SSBP2: variants seen among roughly 807,000 people sequenced by gnomAD.
SSBP2 encodes the protein single stranded DNA binding protein 2, also known as single-stranded DNA-binding protein 2.
Under a neutral mutation model 61.8 loss-of-function variants are expected in SSBP2, and 17 were observed. The observed-to-expected ratio is 0.28, with a 90% CI of 0.19 to 0.41. The LOEUF (loss-of-function observed/expected upper bound fraction) is 0.41. SSBP2 is among the 10% of genes least tolerant of loss of function. The pLI is 1.00. For synonymous variants in SSBP2, 139 were observed against 141.3 expected (o/e 0.98, Z 0.12); for missense variants, 310 against 458.7 (o/e 0.68, Z 2.96).
intron 5 of SSBP2, among the ~76,000 whole-genome samples, chr5:81,512,439 G>T (rs1184531297): frequency 6.6e-6 from 1 of 152,164 alleles, no homozygotes; most frequent in Non-Finnish European, 1.5e-5. Flanking sequence ...GTTGTTAAGT[G>T]TAAGCTTTTA....
At chr5:81,622,188 G>T (rs1256676934) in intron 3 of SSBP2, among the ~76,000 whole-genome samples, 1 of 150,882 alleles carries the variant, frequency 6.6e-6, no homozygotes, top group Non-Finnish European at 1.5e-5. Context: ...ACAGTGGGAA[G>T]TGAAGCAGAC....
At chr5:81,748,200 A>G (rs1012509581) in intron 1 of SSBP2, among the ~76,000 whole-genome samples, 1 of 152,186 alleles carries the variant, frequency 6.6e-6, no homozygotes, top group African/African-American at 2.4e-5. Context: ...GCTATTATTT[A>G]TAATAATGAC....
chr5:81,434,465 C>CT (rs1762540459), intron 15 of SSBP2, among the ~76,000 whole-genome samples: 1 of 151,550 alleles, frequency 6.6e-6, no homozygotes, highest in Non-Finnish European at 1.5e-5. Flanking sequence ...CCAGACCAGC[C>CT]TGACAACATG....
At chr5:81,474,655 T>C in intron 6 of SSBP2, 93 bp from the exon 7 acceptor site, 1 of 862,706 alleles carries the variant, frequency 1.2e-6, no homozygotes, top group Non-Finnish European at 1.7e-6. Flanking sequence ...TGTATGATAA[T>C]TACAAGAATG....
intron 1 of SSBP2, among the ~76,000 whole-genome samples, chr5:81,734,826 C>G (rs1420367169): frequency 6.6e-6 from 1 of 151,918 alleles, no homozygotes; most frequent in African/African-American, 2.4e-5. Flanking sequence ...AAAAAACTAG[C>G]CGGGCGTGGA....
intron 4 of SSBP2, among the ~76,000 whole-genome samples, chr5:81,589,938 G>C (rs1775369062): frequency 6.6e-6 from 1 of 152,082 alleles, no homozygotes; most frequent in Non-Finnish European, 1.5e-5. Flanking sequence ...CCATTCATGA[G>C]GGTGGAGCTC....
intron 6 of SSBP2, among the ~76,000 whole-genome samples, chr5:81,487,973 G>A (rs1766507028): frequency 7.6e-6 from 1 of 130,898 alleles, no homozygotes; most frequent in African/African-American, 2.7e-5. Context: ...CCATGTTGTT[G>A]CAAATGGCAG....
At chr5:81,698,137 C>T (rs887161975) in intron 1 of SSBP2, among the ~76,000 whole-genome samples, 1 of 151,990 alleles carries the variant, frequency 6.6e-6, no homozygotes, top group Non-Finnish European at 1.5e-5. Context: ...AAAGAAAATA[C>T]ACTGAAAGTA....
chr5:81,572,868 C>G (rs949441784), intron 4 of SSBP2, among the ~76,000 whole-genome samples: 1 of 152,116 alleles, frequency 6.6e-6, no homozygotes, highest in Non-Finnish European at 1.5e-5. Context: ...TGTTGAACAT[C>G]ATGTGAACTA....
intron 16 of SSBP2, among the ~76,000 whole-genome samples, chr5:81,428,085 A>G (rs559774746): frequency 1.1e-4 from 16 of 152,114 alleles, no homozygotes; most frequent in Non-Finnish European, 2.1e-4. Flanking sequence ...GTCTACTTCT[A>G]TGGAGATATG....
At chr5:81,491,317 A>G (rs768521802) in intron 5 of SSBP2, among the ~76,000 whole-genome samples, 8 of 152,256 alleles carry the variant, frequency 5.3e-5, no homozygotes, top group Non-Finnish European at 1.0e-4. Flanking sequence ...AATACAAGGT[A>G]AAATTATGTG....
At chr5:81,670,783 C>T (rs1322632708) in intron 1 of SSBP2, among the ~76,000 whole-genome samples, 2 of 152,132 alleles carry the variant, frequency 1.3e-5, no homozygotes, top group Non-Finnish European at 2.9e-5. Context: ...CTTTCCTTTC[C>T]CATCCACTTT....
chr5:81,557,825 C>T (rs1341103930), intron 4 of SSBP2, among the ~76,000 whole-genome samples: 2 of 151,894 alleles, frequency 1.3e-5, no homozygotes, highest in South Asian at 2.1e-4. Context: ...GGTTTTGATT[C>T]GTTTTTCTCC....
rs188011618 is a variant in SSBP2 at position 81,422,035 on chromosome 5, T to A, written c.1057-1502A>T. Among the ~76,000 whole-genome samples, 4 of 152,222 alleles carry A rather than the reference T, an allele frequency of 2.6e-5. No homozygotes were observed. In the East Asian group the frequency reaches 7.7e-4, roughly 29 times the overall value. ...TAAAATGTAAATGTGGACCCTGAAATTTTTTAAACGTTTTATTGGAAACCT... is the reference window on the plus strand; with the variant it reads ...TAAAATGTAAATGTGGACCCTGAAAATTTTTAAACGTTTTATTGGAAACCT... On this transcript the variant is annotated intron_variant, in intron 16 of 16. Coordinates refer to ENST00000320672, the MANE Select transcript of SSBP2 (RefSeq NM_012446.5).
intron 5 of SSBP2, among the ~76,000 whole-genome samples, chr5:81,499,370 AT>A: frequency 6.6e-6 from 1 of 152,310 alleles, no homozygotes; most frequent in East Asian, 1.9e-4. Flanking sequence ...CGCTGATATT[AT>A]GAGCTTTTTC....
intron 10 of SSBP2, 88 bp from the exon 11 acceptor site, chr5:81,448,913 C>T (rs1456502055): frequency 8.9e-6 from 10 of 1,124,436 alleles, no homozygotes; most frequent in Non-Finnish European, 1.3e-5. Context: ...GATTTTTTGT[C>T]AAGTTTTAAA....
chr5:81,477,678 T>C (rs1489467592), intron 6 of SSBP2, among the ~76,000 whole-genome samples: 3 of 151,982 alleles, frequency 2.0e-5, no homozygotes, highest in Admixed American at 6.6e-5. Flanking sequence ...CATGTGTTTT[T>C]ATAGGATCAT....
chr5:81,569,397 G>C (rs761563754), intron 4 of SSBP2, among the ~76,000 whole-genome samples: 17 of 152,094 alleles, frequency 1.1e-4, no homozygotes, highest in South Asian at 2.1e-4. Context: ...TGGGGAGTGG[G>C]GAATTAACTA....
chr5:81,508,366 G>A (rs1426322783), intron 5 of SSBP2, among the ~76,000 whole-genome samples: 1 of 152,054 alleles, frequency 6.6e-6, no homozygotes, highest in Admixed American at 6.6e-5. Flanking sequence ...TTACTCATTT[G>A]AAAACAGACT....
Sources: allele counts gnomAD v4.1 joint callset (sites outside exome capture counted in the v4.1 genomes callset), GRCh38; gene constraint gnomAD v4.1.1; transcripts MANE v1.5; gene names NCBI Gene and HGNC (gene_info 2026-07-23, HGNC 2026-07-21).